Variants in CNTN5 observed in about 807,000 individuals in gnomAD.
The protein encoded by CNTN5 is contactin 5, also known as contactin-5.
CNTN5 carries 77 observed loss-of-function variants against 129.1 expected under a neutral mutation model. The ratio of observed to expected loss-of-function variants is 0.60; its 90% CI spans 0.50 to 0.72. CNTN5 has a LOEUF of 0.72. CNTN5 is among the 30% of genes least tolerant of loss of function. The probability of loss-of-function intolerance (pLI) is 0.00; values close to 1 mark genes in which losing one functional copy is unlikely to be tolerated. For missense variants in CNTN5, 1,478 were observed against 1,328.8 expected (o/e 1.11, Z -1.75); for synonymous variants, 509 against 465.6 (o/e 1.09, Z -1.20).
chr11:100,299,686 G>A (rs1206229907), intron 20 of CNTN5, among the ~76,000 whole-genome samples: 1 of 151,020 alleles, frequency 6.6e-6, no homozygotes, highest in African/African-American at 2.4e-5. Context: ...TCCTTTCTCT[G>A]GGTGGACATT....
intron 3 of CNTN5, among the ~76,000 whole-genome samples, chr11:99,748,059 C>T (rs1944113440): frequency 6.6e-6 from 1 of 152,068 alleles, no homozygotes. Context: ...AGGTCTAAAT[C>T]CCATCCAATC....
chr11:99,689,475 C>T (rs181249681), intron 3 of CNTN5, among the ~76,000 whole-genome samples: 4 of 126,930 alleles, frequency 3.2e-5, no homozygotes, highest in Non-Finnish European at 6.3e-5. Flanking sequence ...TGCAGTGAGC[C>T]GAGGTCGCGC....
chr11:99,686,793 C>A (rs797020456), intron 3 of CNTN5, among the ~76,000 whole-genome samples: 1 of 152,296 alleles, frequency 6.6e-6, no homozygotes, highest in African/African-American at 2.4e-5. Flanking sequence ...CTTCTAGAAT[C>A]ATACAGTTTC....
chr11:99,153,825 T>G (rs1281433718), intron 1 of CNTN5, among the ~76,000 whole-genome samples: 3 of 150,930 alleles, frequency 2.0e-5, no homozygotes, highest in Non-Finnish European at 2.9e-5. Context: ...CTTTTTTTTT[T>G]TTTTTTTTTG....
chr11:100,160,838 C>A (rs1303397626), intron 13 of CNTN5, among the ~76,000 whole-genome samples: 1 of 151,820 alleles, frequency 6.6e-6, no homozygotes, highest in African/African-American at 2.4e-5. Flanking sequence ...ATCTGCAGTG[C>A]CACTAACGAG....
chr11:100,331,836 AAG>A (rs1951912988), intron 21 of CNTN5, among the ~76,000 whole-genome samples: 1 of 152,080 alleles, frequency 6.6e-6, no homozygotes, highest in Non-Finnish European at 1.5e-5. Context: ...AGAAAAAACT[AAG>A]AGATAAGAAG....
intron 17 of CNTN5, among the ~76,000 whole-genome samples, chr11:100,257,097 CA>C (rs1950087782): frequency 6.6e-6 from 1 of 152,092 alleles, no homozygotes; most frequent in African/African-American, 2.4e-5. Context: ...TGAGCTTGGT[CA>C]GGGGAGGGGT....
At chr11:99,856,334 A>G (rs886941441) in intron 6 of CNTN5, among the ~76,000 whole-genome samples, 1 of 152,196 alleles carries the variant, frequency 6.6e-6, no homozygotes, top group Non-Finnish European at 1.5e-5. Flanking sequence ...CAAATTATAA[A>G]TGATGCTGTA....
At chr11:99,646,107 G>A (rs1259409919) in intron 3 of CNTN5, among the ~76,000 whole-genome samples, 2 of 152,178 alleles carry the variant, frequency 1.3e-5, no homozygotes, top group South Asian at 4.2e-4. Context: ...TTTTTGATCT[G>A]GGCATACTTT....
chr11:99,408,451 A>AG lies in CNTN5; in HGVS notation c.-71+82967_-71+82968insG, dbSNP rs375378855. Among the ~76,000 whole-genome samples, 95 of 109,132 alleles carry AG rather than the reference A, an allele frequency of 8.7e-4. 1 individual carries two copies. The highest frequency in any genetic ancestry group is 4.8e-3 in the Middle Eastern group (1 of 208). The allele number at this position is 109,132 out of a possible 152,430, so 71.6% of individuals were successfully genotyped here. On this transcript the variant is annotated intron_variant, in intron 2 of 24. Transcript: ENST00000524871. ...GAAAAAGAAAGAAAGAAAGAAAGAG[A>AG]AAGAAAGAAAGAAAGAAAGAAAGAA... is the stretch of plus-strand genomic sequence containing the variant.
At chr11:99,075,160 TC>T (rs1257893520) in intron 1 of CNTN5, among the ~76,000 whole-genome samples, 1 of 152,208 alleles carries the variant, frequency 6.6e-6, no homozygotes, top group Non-Finnish European at 1.5e-5. Flanking sequence ...TTTAAGTTTC[TC>T]CAATAACATC....
Position 100,357,028 on chromosome 11 carries a change from G to A in CNTN5, c.*808G>A, listed in dbSNP as rs892078319. On this transcript the variant is annotated 3_prime_UTR_variant, in exon 25 of 25. Transcript: ENST00000524871. ...GATCACTAAAAACTGCAGACATGCT[G>A]GCATGGGTGCTAACTTAAAAATGAG... The A allele has an allele frequency of 6.6e-6, 1 of 151,714 alleles. No individual in the cohort carries two copies. The highest frequency in any genetic ancestry group is 6.6e-5 in the Admixed American group (1 of 15,172). 9.4% of individuals were successfully genotyped at this position (151,714 alleles called of 1,614,324 possible). A position where few individuals can be genotyped will look rare whatever the true frequency, so the allele number is the denominator to read the frequency against.
Position 99,810,826 on chromosome 11 carries a change from G to A in CNTN5, c.56-8718G>A, listed in dbSNP as rs7942341. ...GTCAGGTATCAGATTTCTTTATGCT[G>A]ACTTTGATGCCAAATGGAGTCACAC... On this transcript the variant is annotated intron_variant, in intron 3 of 24. Coordinates refer to ENST00000524871, the MANE Select transcript of CNTN5 (RefSeq NM_014361.4). Among the ~76,000 whole-genome samples, 221 of 152,136 alleles carry A rather than the reference G, an allele frequency of 1.5e-3. 1 individual carries two copies. Among genetic ancestry groups the A allele is most frequent in the African/African-American group, 5.0e-3 (206 of 41,526 alleles).
At chr11:99,050,917 T>C (rs1864401572) in intron 1 of CNTN5, among the ~76,000 whole-genome samples, 1 of 151,970 alleles carries the variant, frequency 6.6e-6, no homozygotes, top group African/African-American at 2.4e-5. Context: ...GTTACTATTA[T>C]GTATGCATAT....
intron 3 of CNTN5, among the ~76,000 whole-genome samples, chr11:99,764,420 G>GT (rs1266023832): frequency 3.3e-5 from 5 of 151,832 alleles, no homozygotes; most frequent in Admixed American, 2.0e-4. Flanking sequence ...GTTTGTTTTT[G>GT]TTTTTTGTTT....
At chr11:99,952,214 A>T (rs1950692862) in intron 7 of CNTN5, among the ~76,000 whole-genome samples, 16 of 152,200 alleles carry the variant, frequency 1.1e-4, no homozygotes. Context: ...CAGAGATCCA[A>T]AGTGGTAGGA....
intron 8 of CNTN5, among the ~76,000 whole-genome samples, chr11:99,968,135 G>T (rs1951145511): frequency 6.6e-6 from 1 of 152,244 alleles, no homozygotes; most frequent in East Asian, 1.9e-4. Context: ...TTCCCTACAA[G>T]ATCTCACTAC....
chr11:99,160,036 A>G (rs1482836782), intron 1 of CNTN5, among the ~76,000 whole-genome samples: 1 of 152,218 alleles, frequency 6.6e-6, no homozygotes, highest in Non-Finnish European at 1.5e-5. Flanking sequence ...CTCTGTGTTC[A>G]TGAGATTTAA....
intron 7 of CNTN5, among the ~76,000 whole-genome samples, chr11:99,947,265 G>T (rs1048876275): frequency 3.3e-5 from 5 of 150,624 alleles, no homozygotes; most frequent in Admixed American, 3.3e-4. Context: ...TTCATGTTAT[G>T]TGCATATGAA....
Sources: gnomAD v4.1 joint callset for allele counts (sites outside exome capture counted in the v4.1 genomes callset) on GRCh38, gnomAD v4.1.1 for gene constraint, MANE v1.5 for transcripts, NCBI Gene and HGNC (gene_info 2026-07-23, HGNC 2026-07-21) for gene names.